The following AGT variants were observed in gnomAD, a reference collection of about 807,000 sequenced individuals.
AGT encodes the protein angiotensinogen.
In AGT, 26 loss-of-function variants were observed where a neutral mutation model predicts 28.1. The observed-to-expected ratio is 0.92, with a 90% CI of 0.68 to 1.28. The LOEUF is 1.28. Among genes scored for constraint, AGT ranks in the 50% most tolerant of loss-of-function variants. The pLI is 0.00. For missense variants in AGT, 596 were observed against 592.3 expected (o/e 1.01, Z -0.06); for synonymous variants, 259 against 259.6 (o/e 1.00, Z 0.02).
Position 230,704,308 on chromosome 1 carries a change from A to G in AGT, c.1127T>C (p.Val376Ala), listed in dbSNP as rs61731499. Residue 376 changes from valine to alanine, a missense_variant, in exon 4 of 5, where the codon GTG becomes GCG. Physicochemically the swap from Val to Ala is moderately conservative, Grantham distance 64. Coordinates refer to ENST00000366667, the MANE Select transcript of AGT (RefSeq NM_001384479.1). ...CTGCAGGTCATAAGATCCTTGCAGCACCAGTTGGGGCATGGTCAGGTGGAT... is the reference window on the plus strand; with the variant it reads ...CTGCAGGTCATAAGATCCTTGCAGCGCCAGTTGGGGCATGGTCAGGTGGAT... ...RTIHLTMPQL[V>A]LQGSYDLQDL... is the part of the protein sequence containing the mutation. 585 of 1,614,180 alleles carry G rather than the reference A, an allele frequency of 3.6e-4. 2 individuals carry two copies. The African/African-American group carries it at 6.8e-3, about 19-fold the overall frequency.
chr1:230,707,711 T>C (rs1663432788), intron 2 of AGT, among the ~76,000 whole-genome samples: 2 of 152,178 alleles, frequency 1.3e-5, no homozygotes, highest in Non-Finnish European at 2.9e-5. Flanking sequence ...GGACAATTCT[T>C]TTCTTCCAAC....
At chr1:230,711,694 C>T (rs796866423) in intron 1 of AGT, among the ~76,000 whole-genome samples, 2 of 152,170 alleles carry the variant, frequency 1.3e-5, no homozygotes, top group Admixed American at 6.5e-5. Flanking sequence ...TGTCTCAACC[C>T]CAAAACCAGC....
chr1:230,705,031 C>T (rs1030470105), intron 3 of AGT, among the ~76,000 whole-genome samples: 5 of 152,168 alleles, frequency 3.3e-5, no homozygotes, highest in African/African-American at 1.2e-4. Context: ...GAAGGACATT[C>T]TGACATGTGC....
At chr1:230,708,093 G>A (rs1484861276) in intron 2 of AGT, among the ~76,000 whole-genome samples, 1 of 152,228 alleles carries the variant, frequency 6.6e-6, no homozygotes, top group Admixed American at 6.5e-5. Flanking sequence ...GACCATGTGG[G>A]CAGGAAGTGG....
chr1:230,710,468 A>G lies in AGT; in HGVS notation c.356T>C (p.Val119Ala). 1.2e-6 allele frequency: 2 copies of G among 1,614,176 alleles called. No individual in the cohort carries two copies. The highest frequency in any genetic ancestry group is 1.7e-6 in the Non-Finnish European group (2 of 1,180,032). Residue 119 changes from valine to alanine, a missense_variant, in exon 2 of 5, where the codon GTC becomes GCC. Coordinates refer to ENST00000366667, the MANE Select transcript of AGT (RefSeq NM_001384479.1). The stretch of plus-strand genomic sequence containing the variant: ...TGGGGAGAGGACGGTGGCCCCATGG[A>G]CCACGCCCCATAGCTCACTGTGCAT... ...YGMHSELWGV[V>A]HGATVLSPTA...
At chr1:230,706,824 G>T (rs1163906880) in intron 2 of AGT, among the ~76,000 whole-genome samples, 3 of 152,048 alleles carry the variant, frequency 2.0e-5, no homozygotes, top group Non-Finnish European at 4.4e-5. Context: ...AGGTTTGGAC[G>T]CACGTAGAAT....
chr1:230,742,943 C>A (rs1178753075), intron 1 of AGT, among the ~76,000 whole-genome samples: 1 of 152,148 alleles, frequency 6.6e-6, no homozygotes, highest in East Asian at 1.9e-4. Flanking sequence ...ATAAATAGTT[C>A]TCCAAAAAGG....
intron 2 of AGT, 49 bp downstream of exon 2, chr1:230,709,946 A>G (rs1316664825): frequency 7.4e-6 from 12 of 1,612,868 alleles, no homozygotes; most frequent in Non-Finnish European, 9.3e-6. Context: ...TCAGCTACAC[A>G]TTGGATACTA....
At position 230,710,604 on chromosome 1, in the gene AGT, C is replaced by G. The variant is rs775362851; in HGVS notation, c.220G>C (p.Ala74Pro). 6.2e-7 allele frequency: 1 copy of G among 1,614,258 alleles called. No individual in the cohort carries two copies. The highest frequency in any genetic ancestry group is 1.1e-5 in the South Asian group (1 of 91,084). The change falls in exon 2 of 5, where the codon GCC (alanine) becomes CCC (proline). Residue 74 changes from alanine (A) to proline (P), a missense_variant. Physicochemically the swap from Ala to Pro is conservative, Grantham distance 27. Coordinates refer to ENST00000366667, the MANE Select transcript of AGT (RefSeq NM_001384479.1). ...QAKTSPVDEK[A>P]LQDQLVLVAA... ...ACTAGCACCAGCTGGTCCTGTAGGG[C>G]CTTTTCATCCACAGGGGATGTCTTG...
At chr1:230,726,648 A>G (rs1663948678) in intron 1 of AGT, among the ~76,000 whole-genome samples, 1 of 152,184 alleles carries the variant, frequency 6.6e-6, no homozygotes, top group African/African-American at 2.4e-5. Context: ...ATCCTTAATC[A>G]ATAGTAGGGA....
intron 1 of AGT, among the ~76,000 whole-genome samples, chr1:230,729,455 A>G (rs931390830): frequency 6.6e-6 from 1 of 152,224 alleles, no homozygotes; most frequent in African/African-American, 2.4e-5. Context: ...TTTCAAATGT[A>G]TATAACATTT....
At chr1:230,715,354 C>A (rs61756114), upstream of AGT, among the ~76,000 whole-genome samples, 2 of 152,086 alleles carry the variant, frequency 1.3e-5, no homozygotes, top group African/African-American at 4.8e-5. Flanking sequence ...GGCCCCACAG[C>A]GACTTAGAGG....
intron 1 of AGT, among the ~76,000 whole-genome samples, chr1:230,735,987 C>A (rs535705689): frequency 6.6e-6 from 1 of 152,226 alleles, no homozygotes; most frequent in African/African-American, 2.4e-5. Context: ...GTCATTTAGG[C>A]GGGGTTTGGG....
intron 1 of AGT, among the ~76,000 whole-genome samples, chr1:230,739,785 C>T (rs1005874927): frequency 7.2e-5 from 11 of 152,012 alleles, no homozygotes; most frequent in African/African-American, 2.7e-4. Flanking sequence ...GACCTAGATG[C>T]CACTATCAGA....
At chr1:230,733,955 C>CCT (rs1472891369) in intron 1 of AGT, among the ~76,000 whole-genome samples, 1 of 152,128 alleles carries the variant, frequency 6.6e-6, no homozygotes, top group Non-Finnish European at 1.5e-5. Flanking sequence ...CCAGGCTCCA[C>CCT]CTTTGTGATG....
At chr1:230,726,773 T>G (rs149013115) in intron 1 of AGT, among the ~76,000 whole-genome samples, 26 of 152,184 alleles carry the variant, frequency 1.7e-4, no homozygotes, top group Admixed American at 9.2e-4. Flanking sequence ...GGAATAACAC[T>G]TAAGTGCCAT....
chr1:230,739,734 G>A (rs538054335), intron 1 of AGT, among the ~76,000 whole-genome samples: 1 of 152,320 alleles, frequency 6.6e-6, no homozygotes, highest in South Asian at 2.1e-4. Flanking sequence ...CAGAGAGCCA[G>A]AGGTCCCTGC....
Position 230,710,541 on chromosome 1 carries a change from C to G in AGT, c.283G>C (p.Ala95Pro). 2 of 1,614,256 alleles carry G rather than the reference C, an allele frequency of 1.2e-6. No individual in the cohort carries two copies. The highest frequency in any genetic ancestry group is 1.7e-6 in the Non-Finnish European group (2 of 1,180,052). Reference sequence around the variant, plus strand: ...AAGTTGGCCAGCATCCCGACCATTGCGGCCCTCAACTTGTCTTCGGTGTCA... The same window carrying G: ...AAGTTGGCCAGCATCCCGACCATTGGGGCCCTCAACTTGTCTTCGGTGTCA... ...KLDTEDKLRA[A>P]MVGMLANFLG... Residue 95 changes from alanine to proline, a missense_variant, in exon 2 of 5, where the codon GCA (alanine) becomes CCA (proline). Physicochemically the swap from Ala to Pro is conservative, Grantham distance 27. Transcript: ENST00000366667.
At position 230,710,749 on chromosome 1, in the gene AGT, G is replaced by A; in HGVS notation, c.75C>T (p.Asp25=). 2 of 1,614,164 alleles carry A rather than the reference G, an allele frequency of 1.2e-6. No homozygotes were observed. Among genetic ancestry groups the A allele is most frequent in the Non-Finnish European group, 8.5e-7 (1 of 1,180,002 alleles). The change falls in exon 2 of 5, where the codon GAC becomes GAT. Residue 25 remains aspartate (D), a synonymous_variant. Transcript: ENST00000366667. ...LLAWAGLAAG[D]RVYIHPFHLV... ...GGTGGAAGGGGTGTATGTACACCCG[G>A]TCACCTGCAGCCAGGCCAGCCCAGG... is the stretch of plus-strand genomic sequence containing the variant.
Sources: gnomAD v4.1 joint callset for allele counts (sites outside exome capture counted in the v4.1 genomes callset) on GRCh38, gnomAD v4.1.1 for gene constraint, MANE v1.5 for transcripts, NCBI Gene and HGNC (gene_info 2026-07-23, HGNC 2026-07-21) for gene names.